Variants in ERBIN observed in about 807,000 individuals in gnomAD.
The protein encoded by ERBIN is erbb2 interacting protein.
In ERBIN, 60 loss-of-function variants were observed where a neutral mutation model predicts 158.4. The ratio of observed to expected loss-of-function variants is 0.38; its 90% confidence interval spans 0.31 to 0.47. ERBIN has a LOEUF of 0.47. Among genes scored for constraint, ERBIN ranks in the 20% least tolerant of loss-of-function variants. The probability of loss-of-function intolerance (pLI) is 0.99; values close to 1 mark genes in which losing one functional copy is unlikely to be tolerated. For synonymous variants in ERBIN, 594 were observed against 557.2 expected (o/e 1.07, Z -0.93); for missense variants, 1,610 against 1,648.0 (o/e 0.98, Z 0.40).
At chr5:65,958,414 C>G (rs2150949046) in intron 1 of ERBIN, among the ~76,000 whole-genome samples, 1 of 152,342 alleles carries the variant, frequency 6.6e-6, no homozygotes, top group East Asian at 1.9e-4. Flanking sequence ...CGGTTAGGAG[C>G]TGGAGACCAG....
intron 19 of ERBIN, among the ~76,000 whole-genome samples, chr5:66,049,929 C>G (rs1464490113): frequency 6.6e-6 from 1 of 151,984 alleles, no homozygotes; most frequent in Non-Finnish European, 1.5e-5. Context: ...CATTCATAAA[C>G]AAGTTTATGA....
At chr5:66,076,592 C>CA (rs56075216) in intron 24 of ERBIN, 184 bp downstream of exon 24, 73 of 612,056 alleles carry the variant, frequency 1.2e-4, no homozygotes, top group Non-Finnish European at 1.8e-4. Context: ...ACAATTTAAC[C>CA]AAAAACTATG....
Position 65,992,651 on chromosome 5 carries a change from G to A in ERBIN, c.-9-59G>A, listed in dbSNP as rs1018484166. The A allele has an allele frequency of 7.1e-6, 9 of 1,263,574 alleles. No homozygotes were observed. In the African/African-American group the frequency reaches 1.2e-4, roughly 17 times the overall value. The allele number at this position is 1,263,574 out of a possible 1,614,324, so 78.3% of individuals were successfully genotyped here. ...GAATTGTGATAGATTGGAATGATTT[G>A]TTCTGAAAAACCGTTGTAATATGTA... On this transcript the variant is annotated intron_variant, in intron 2 of 25. Transcript: ENST00000284037.
intron 1 of ERBIN, among the ~76,000 whole-genome samples, chr5:65,949,674 G>C (rs1288011670): frequency 6.6e-6 from 1 of 152,104 alleles, no homozygotes; most frequent in African/African-American, 2.4e-5. Context: ...ATCTTATATA[G>C]ACATGGTACA....
Position 65,994,845 on chromosome 5 carries a change from A to G in ERBIN, c.288A>G (p.Glu96=), listed in dbSNP as rs1165608003. The G allele has an allele frequency of 6.2e-7, 1 of 1,603,086 alleles. No individual in the cohort carries two copies. The highest frequency in any genetic ancestry group is 8.5e-7 in the Non-Finnish European group (1 of 1,176,268). ...TTGCAAACCTTATTAATCTCAGGGA[A>G]CTGGATGTCAGCAAGAATGGTAAGG... ...ASIANLINLR[E]LDVSKNGIQE... is the part of the protein sequence containing the mutation. The change falls in exon 4 of 26, where the codon GAA becomes GAG. Residue 96 remains glutamate, a synonymous_variant. Coordinates refer to ENST00000284037, the MANE Select transcript of ERBIN (RefSeq NM_001253697.2).
At chr5:66,041,603 C>T (rs1466358876) in intron 15 of ERBIN, among the ~76,000 whole-genome samples, 1 of 151,928 alleles carries the variant, frequency 6.6e-6, no homozygotes, top group East Asian at 1.9e-4. Context: ...GAGAATTTGA[C>T]AAGAATGAGA....
intron 4 of ERBIN, among the ~76,000 whole-genome samples, chr5:65,996,916 C>A (rs908697101): frequency 6.6e-6 from 1 of 151,810 alleles, no homozygotes; most frequent in South Asian, 2.1e-4. Context: ...TTCTTAATAA[C>A]CTTTTCATAT....
At chr5:66,027,736 A>G (rs527341718) in intron 13 of ERBIN, among the ~76,000 whole-genome samples, 2 of 152,062 alleles carry the variant, frequency 1.3e-5, no homozygotes, top group Non-Finnish European at 2.9e-5. Flanking sequence ...AGATTTTGGT[A>G]TCTGAGGGAG....
chr5:65,975,128 C>G (rs536929167), intron 1 of ERBIN, among the ~76,000 whole-genome samples: 1 of 152,290 alleles, frequency 6.6e-6, no homozygotes, highest in Admixed American at 6.5e-5. Context: ...CTGCCTCAGC[C>G]TCTCGAATAG....
intron 1 of ERBIN, among the ~76,000 whole-genome samples, chr5:65,979,221 G>A (rs1197542738): frequency 6.6e-6 from 1 of 152,120 alleles, no homozygotes; most frequent in African/African-American, 2.4e-5. Context: ...TAGCCCAGGA[G>A]TTCAAGACCA....
intron 19 of ERBIN, among the ~76,000 whole-genome samples, chr5:66,048,996 A>G (rs1758754561): frequency 6.6e-6 from 1 of 152,038 alleles, no homozygotes; most frequent in Non-Finnish European, 1.5e-5. Flanking sequence ...TTACTTATAA[A>G]GGCATGGACT....
At chr5:66,073,969 A>G (rs912429949) in intron 22 of ERBIN, among the ~76,000 whole-genome samples, 2 of 151,382 alleles carry the variant, frequency 1.3e-5, no homozygotes, top group African/African-American at 2.4e-5. Flanking sequence ...GCCTCAAACT[A>G]CTGGGCTCAA....
At chr5:66,044,869 G>T (rs1430598365) in intron 17 of ERBIN, among the ~76,000 whole-genome samples, 2 of 151,802 alleles carry the variant, frequency 1.3e-5, no homozygotes, top group Non-Finnish European at 2.9e-5. Flanking sequence ...TTACACCGAG[G>T]ATTTGAGAAC....
intron 1 of ERBIN, among the ~76,000 whole-genome samples, chr5:65,976,335 G>T (rs926129815): frequency 6.6e-6 from 1 of 152,016 alleles, no homozygotes; most frequent in Non-Finnish European, 1.5e-5. Flanking sequence ...TTAACTATAT[G>T]TAGTGGCATA....
intron 1 of ERBIN, among the ~76,000 whole-genome samples, chr5:65,940,480 C>CA (rs1744774029): frequency 7.8e-6 from 1 of 128,446 alleles, no homozygotes; most frequent in Non-Finnish European, 1.7e-5. Context: ...GGTCAGTCCC[C>CA]CCCCCCCCGG....
chr5:66,048,802 G>C (rs952580668), intron 19 of ERBIN, 21 bp downstream of exon 19: 1 of 1,388,010 alleles, frequency 7.2e-7, no homozygotes, highest in African/African-American at 1.5e-5. Flanking sequence ...AAAGGAAAGT[G>C]CTAAGAATAG....
chr5:66,077,371 C>G (rs762808992), intron 25 of ERBIN, among the ~76,000 whole-genome samples: 1 of 152,008 alleles, frequency 6.6e-6, no homozygotes, highest in Admixed American at 6.6e-5. Flanking sequence ...TAAACACTTA[C>G]AGTCTTAGAA....
At chr5:66,058,224 A>G (rs941739351) in intron 21 of ERBIN, among the ~76,000 whole-genome samples, 12 of 151,640 alleles carry the variant, frequency 7.9e-5, no homozygotes, top group African/African-American at 2.4e-4. Context: ...AATGATTGCC[A>G]TTCTAACTGG....
chr5:65,953,233 C>T (rs1430826721), intron 1 of ERBIN, among the ~76,000 whole-genome samples: 1 of 152,144 alleles, frequency 6.6e-6, no homozygotes, highest in Non-Finnish European at 1.5e-5. Context: ...ACCCTTCAAG[C>T]CTAAGGATAC....
Sources: allele counts gnomAD v4.1 joint callset (sites outside exome capture counted in the v4.1 genomes callset), GRCh38; gene constraint gnomAD v4.1.1; transcripts MANE v1.5; gene names NCBI Gene and HGNC (gene_info 2026-07-23, HGNC 2026-07-21).